The following TRPV4 variants were observed in gnomAD, a reference collection of about 807,000 sequenced individuals.
TRPV4 encodes OSM9-like transient receptor potential channel 4.
In TRPV4, 58 loss-of-function variants were observed where a neutral mutation model predicts 84.1. The observed-to-expected ratio is 0.69, with a 90% CI of 0.56 to 0.86. The LOEUF (loss-of-function observed/expected upper bound fraction) is 0.86. TRPV4 is among the 40% of genes least tolerant of loss of function. TRPV4 has a pLI of 0.00. For missense variants in TRPV4, 879 were observed against 1,181.1 expected, an observed-to-expected ratio of 0.74 and a Z score of 3.75; for synonymous variants, 489 against 500.9, an observed-to-expected ratio of 0.98 and a Z score of 0.32.
intron 8 of TRPV4, 111 bp downstream of exon 8, chr12:109,794,218 A>C: frequency 6.9e-7 from 1 of 1,444,126 alleles, no homozygotes; most frequent in Non-Finnish European, 9.5e-7. Flanking sequence ...CTGTTCCTAA[A>C]CCTTCTCCGG....
At chr12:109,827,879 C>CACACACAG (rs1242586057) in intron 1 of TRPV4, among the ~76,000 whole-genome samples, 2 of 151,936 alleles carry the variant, frequency 1.3e-5, no homozygotes, top group Admixed American at 1.3e-4. Context: ...CATACACATA[C>CACACACAG]ACACACAGAC....
chr12:109,804,818 C>T (rs1308774908), intron 3 of TRPV4, among the ~76,000 whole-genome samples: 1 of 152,218 alleles, frequency 6.6e-6, no homozygotes. Context: ...TTTCCCCCAG[C>T]CTCTCTGGCC....
chr12:109,794,142 T>C (rs1373461129), intron 8 of TRPV4, 120 bp from the exon 9 acceptor site: 7 of 1,134,854 alleles, frequency 6.2e-6, no homozygotes, highest in Non-Finnish European at 9.0e-6. Context: ...CTTCACTCTC[T>C]TCCTCCTGAG....
intron 1 of TRPV4, among the ~76,000 whole-genome samples, chr12:109,823,288 G>T (rs1296430931): frequency 6.6e-6 from 1 of 152,208 alleles, no homozygotes; most frequent in Admixed American, 6.5e-5. Context: ...GTCCTGCTGG[G>T]CCCCCACCCC....
chr12:109,786,768 C>A lies in TRPV4; in HGVS notation c.2278G>T (p.Glu760Ter). 6.2e-7 allele frequency: 1 copy of A among 1,614,020 alleles called. No individual in the cohort carries two copies. Among genetic ancestry groups the A allele is most frequent in the Non-Finnish European group, 8.5e-7 (1 of 1,180,022 alleles). Residue 760 changes from glutamate to a stop codon, truncating the protein, a stop_gained, in exon 14 of 16, where the codon GAG becomes TAG. Coordinates refer to ENST00000261740, the MANE Select transcript of TRPV4 (RefSeq NM_021625.5). LOFTEE classifies it high-confidence loss of function. The surrounding 1 kb of genome is among the most constrained non-coding windows in gnomAD (Gnocchi z 4.5). ...VFLRKAFRSG[E>*]MVTVGKSSDG... ...GAGCTCTTGCCCACGGTGACCATCT[C>A]CCCAGAGCGGAAGGCCTTCCTCAGG...
At chr12:109,824,877 T>G (rs1342184409) in intron 1 of TRPV4, among the ~76,000 whole-genome samples, 1 of 152,182 alleles carries the variant, frequency 6.6e-6, no homozygotes, top group Non-Finnish European at 1.5e-5. Flanking sequence ...TGATCAATGC[T>G]TTACATCTCA....
intron 13 of TRPV4, among the ~76,000 whole-genome samples, chr12:109,787,889 G>A: frequency 6.6e-6 from 1 of 152,234 alleles, no homozygotes; most frequent in South Asian, 2.1e-4. Flanking sequence ...TGCATAGAAA[G>A]CTTTTGGTAA....
intron 1 of TRPV4, among the ~76,000 whole-genome samples, chr12:109,820,484 C>A (rs1393232897): frequency 6.8e-6 from 1 of 147,400 alleles, no homozygotes; most frequent in Non-Finnish European, 1.5e-5. Context: ...AGTTACCCAA[C>A]CTCTCTGATC....
Position 109,788,601 on chromosome 12 carries a change from G to A in TRPV4, c.2007C>T (p.Phe669=). ...SCRDSETFST[F]LLDLFKLTIG... is the part of the protein sequence containing the mutation. ...TGGTCAGCTTAAACAGGTCCAGGAG[G>A]AAGGTGCTGAAGGTCTCGCTGTCAC... is the stretch of plus-strand genomic sequence containing the variant. The change falls in exon 13 of 16, where the codon TTC becomes TTT. Residue 669 remains phenylalanine (F), a synonymous_variant. Transcript: ENST00000261740. 3.1e-6 allele frequency: 5 copies of A among 1,614,274 alleles called. No individual in the cohort carries two copies. Among genetic ancestry groups the A allele is most frequent in the Non-Finnish European group, 4.2e-6 (5 of 1,180,050 alleles).
Position 109,795,929 on chromosome 12 carries a change from A to T in TRPV4, c.1332+596T>A, listed in dbSNP as rs201942559. ...TGCCTAGCTAATTTTCATTTTTATT[A>T]TTTTTTTTTGGTAGAGACGGGGTTT... On this transcript the variant is annotated intron_variant, in intron 7 of 15. Transcript: ENST00000261740. Among the ~76,000 whole-genome samples, 341 of 149,186 alleles carry T rather than the reference A, an allele frequency of 2.3e-3. 1 individual carries two copies. Among genetic ancestry groups the T allele is most frequent in the African/African-American group, 7.9e-3 (321 of 40,486 alleles).
At position 109,798,785 on chromosome 12, in the gene TRPV4, C is replaced by T. The variant is rs369752825; in HGVS notation, c.981G>A (p.Ala327=). Residue 327 remains alanine, a synonymous_variant, in exon 6 of 16, where the codon GCG becomes GCA. Coordinates refer to ENST00000261740, the MANE Select transcript of TRPV4 (RefSeq NM_021625.5). This position sits in a 1 kb window ranked among gnomAD's most constrained non-coding sequence, Gnocchi z 5.0. Reference sequence around the variant, plus strand: ...GGGTGTTGTCAGCAATGGCCACCAGCGCATGCAGCACTGTGTTGCCTCGCG... The same window carrying T: ...GGGTGTTGTCAGCAATGGCCACCAGTGCATGCAGCACTGTGTTGCCTCGCG... ...QDSRGNTVLH[A]LVAIADNTRE... The T allele has an allele frequency of 1.2e-5, 20 of 1,614,078 alleles. No homozygotes were observed. Among genetic ancestry groups the T allele is most frequent in the African/African-American group, 9.3e-5 (7 of 74,934 alleles).
At chr12:109,792,482 C>A in intron 11 of TRPV4, 53 bp from the exon 12 acceptor site, 4 of 1,597,392 alleles carry the variant, frequency 2.5e-6, no homozygotes, top group Non-Finnish European at 1.7e-6. Flanking sequence ...TGGTTTCTCA[C>A]TTTCCCCATT....
chr12:109,794,806 T>A (rs773664501), intron 7 of TRPV4, among the ~76,000 whole-genome samples: 4 of 152,090 alleles, frequency 2.6e-5, no homozygotes, highest in Non-Finnish European at 5.9e-5. Flanking sequence ...TCACCTAAGG[T>A]CAGCAGTTCA....
At chr12:109,787,152 G>A (rs1889743281) in intron 13 of TRPV4, among the ~76,000 whole-genome samples, 1 of 152,218 alleles carries the variant, frequency 6.6e-6, no homozygotes, top group Non-Finnish European at 1.5e-5. Flanking sequence ...TAAGGGGGCA[G>A]CTGCCACTCA....
chr12:109,788,949 A>ATC (rs747965800), intron 12 of TRPV4, among the ~76,000 whole-genome samples: 171 of 151,324 alleles, frequency 1.1e-3, no homozygotes, highest in Non-Finnish European at 1.7e-3. Flanking sequence ...GGAAGAGGTT[A>ATC]TCTCTCTCTC....
intron 4 of TRPV4, among the ~76,000 whole-genome samples, chr12:109,802,399 T>C (rs566125121): frequency 6.6e-6 from 1 of 151,814 alleles, no homozygotes; most frequent in East Asian, 1.9e-4. Flanking sequence ...CCTCCCAGGT[T>C]CAAGCGATTC....
intron 1 of TRPV4, among the ~76,000 whole-genome samples, chr12:109,817,704 C>T (rs911088598): frequency 8.5e-5 from 13 of 152,238 alleles, no homozygotes; most frequent in African/African-American, 3.1e-4. Context: ...TGACGTAGCT[C>T]AGGCTGTGCC....
rs577295911 is a variant in TRPV4 at position 109,789,486 on chromosome 12, G to T, written c.1892-770C>A. Among the ~76,000 whole-genome samples, 8 of 152,214 alleles carry T rather than the reference G, an allele frequency of 5.3e-5. No individual in the cohort carries two copies. The South Asian group carries it at 8.3e-4, about 16-fold the overall frequency. On this transcript the variant is annotated intron_variant, in intron 12 of 15. Transcript: ENST00000261740. ...GAGGAAAAGTGGGGGCTGAAACCAG[G>T]CATCAGTCCTGACTGTCCCCAAAGC...
chr12:109,794,935 T>C (rs1306476321), intron 7 of TRPV4, among the ~76,000 whole-genome samples: 1 of 152,144 alleles, frequency 6.6e-6, no homozygotes, highest in African/African-American at 2.4e-5. Context: ...GGAGAATCAC[T>C]TGAACCTGGG....
Sources: gnomAD v4.1 joint callset for allele counts (sites outside exome capture counted in the v4.1 genomes callset) on GRCh38, gnomAD v4.1.1 for gene constraint, Gnocchi (gnomAD v3.1) non-coding constraint, MANE v1.5 for transcripts, NCBI Gene and HGNC (gene_info 2026-07-23, HGNC 2026-07-21) for gene names.